Variants in EIF3D observed in about 807,000 individuals in gnomAD.
EIF3D encodes eIF3 p66.
A neutral mutation model predicts 75.4 loss-of-function variants in EIF3D; 10 were observed. The observed-to-expected ratio is 0.13, with a 90% CI of 0.08 to 0.22. The LOEUF is 0.22. Among genes scored for constraint, EIF3D ranks in the 10% least tolerant of loss-of-function variants. The pLI, the probability that EIF3D is intolerant of heterozygous loss-of-function variation, is 1.00. For missense variants in EIF3D, 394 were observed against 708.0 expected (o/e 0.56, Z 5.03); for synonymous variants, 246 against 248.3 (o/e 0.99, Z 0.09).
chr22:36,524,923 G>A (rs742148), intron 3 of EIF3D, among the ~76,000 whole-genome samples, 191 bp from the exon 4 acceptor site: 13,274 of 152,176 alleles, frequency 0.087, 679 homozygotes, highest in African/African-American at 0.14. Flanking sequence ...CAAGATCCCC[G>A]GATGATTCAT....
At chr22:36,512,390 A>C in intron 13 of EIF3D, 70 bp downstream of exon 13, 1 of 1,580,164 alleles carries the variant, frequency 6.3e-7, no homozygotes, top group South Asian at 1.1e-5. Context: ...CGGGGAGGGG[A>C]GGGTCAACCT....
intron 12 of EIF3D, 39 bp from the exon 13 acceptor site, chr22:36,512,641 C>T: frequency 2.5e-6 from 4 of 1,593,022 alleles, no homozygotes; most frequent in Non-Finnish European, 3.4e-6. Context: ...AAGCAAGCTC[C>T]AAATGCCCAA....
At chr22:36,520,300 G>C (rs1304568852) in intron 7 of EIF3D, among the ~76,000 whole-genome samples, 1 of 152,092 alleles carries the variant, frequency 6.6e-6, no homozygotes, top group Non-Finnish European at 1.5e-5. Context: ...GGGATTACAG[G>C]TGTGTGCCAC....
intron 12 of EIF3D, chr22:36,512,846 TGGACACACAC>T (rs1220992645): frequency 4.1e-5 from 19 of 459,394 alleles, no homozygotes; most frequent in African/African-American, 2.4e-4. Context: ...GAATGATGGA[TGGACACACAC>T]GGACACACAC....
In EIF3D at chr22:36,526,173, C is replaced by T. The variant is rs531136026; in HGVS notation, c.-10-42G>A. On this transcript the variant is annotated intron_variant, in intron 1 of 14. Coordinates refer to ENST00000216190, the MANE Select transcript of EIF3D (RefSeq NM_003753.4). ...ATGTGAGTAGCGGCATGAACGAAGGCCTCAGAGTACAAAACACCCTCCATA... is the reference window on the plus strand; with the variant it reads ...ATGTGAGTAGCGGCATGAACGAAGGTCTCAGAGTACAAAACACCCTCCATA... The T allele has an allele frequency of 1.8e-5, 28 of 1,540,454 alleles. No homozygotes were observed. The South Asian group carries it at 3.3e-4, about 18-fold the overall frequency.
intron 3 of EIF3D, 79 bp from the exon 4 acceptor site, chr22:36,524,811 T>C (rs1046410184): frequency 6.3e-7 from 1 of 1,588,918 alleles, no homozygotes. Context: ...GCCTTGCTAT[T>C]TCAAGTGTGG....
At chr22:36,516,365 A>G (rs969963548) in intron 12 of EIF3D, 113 bp downstream of exon 12, 7 of 1,328,352 alleles carry the variant, frequency 5.3e-6, no homozygotes, top group African/African-American at 2.9e-5. Flanking sequence ...AGGTAGCTCT[A>G]TAAGTAACGA....
chr22:36,511,210 G>C (rs1248337665), intron 14 of EIF3D: 4 of 809,508 alleles, frequency 4.9e-6, no homozygotes, highest in Non-Finnish European at 7.5e-6. Flanking sequence ...ATTTAACCCG[G>C]AGCGGAGCTT....
At chr22:36,523,335 C>G in intron 5 of EIF3D, 54 bp from the exon 6 acceptor site, 1 of 1,371,368 alleles carries the variant, frequency 7.3e-7, no homozygotes, top group Non-Finnish European at 1.0e-6. Context: ...GTGGCTTCTT[C>G]AAAAGGCACA....
In EIF3D at chr22:36,516,749, C is replaced by T. The variant is rs748890507; in HGVS notation, c.1032G>A (p.Val344=). The T allele has an allele frequency of 5.6e-6, 9 of 1,614,230 alleles. No individual in the cohort carries two copies. The highest frequency in any genetic ancestry group is 1.7e-5 in the Admixed American group (1 of 60,030). The change falls in exon 11 of 15, where the codon GTG becomes GTA. Residue 344 remains valine (V), a synonymous_variant. Coordinates refer to ENST00000216190, the MANE Select transcript of EIF3D (RefSeq NM_003753.4). ...RYNFPNPNPF[V]EDDMDKNEIA... ...TTTCATTCTTATCCATGTCGTCCTCCACAAACGGGTTTGGGTTGGGGAAGT... is the reference window on the plus strand; with the variant it reads ...TTTCATTCTTATCCATGTCGTCCTCTACAAACGGGTTTGGGTTGGGGAAGT...
intron 12 of EIF3D, among the ~76,000 whole-genome samples, chr22:36,515,287 G>A (rs1183641532): frequency 1.3e-5 from 2 of 152,218 alleles, no homozygotes; most frequent in African/African-American, 4.8e-5. Context: ...CCAGCACTTT[G>A]GGAGGCCGAG....
chr22:36,513,740 C>G (rs1052409146), intron 12 of EIF3D, among the ~76,000 whole-genome samples: 13 of 152,188 alleles, frequency 8.5e-5, no homozygotes, highest in Non-Finnish European at 1.5e-5. Context: ...GAGATGGGGT[C>G]TCACTATGTT....
At chr22:36,518,494 T>TAAA (rs66811304) in intron 9 of EIF3D, among the ~76,000 whole-genome samples, 68 of 144,760 alleles carry the variant, frequency 4.7e-4, no homozygotes, top group African/African-American at 1.4e-3. Context: ...CTGTCTCAAT[T>TAAA]AAAAAAAAAA....
rs1934590525 is a variant in EIF3D, at chr22:36,525,888, T to A, written c.123+111A>T. The A allele has an allele frequency of 3.3e-6, 5 of 1,500,994 alleles. No homozygotes were observed. In the Admixed American group the frequency reaches 6.7e-5, roughly 20 times the overall value. 93.0% of individuals were successfully genotyped at this position (1,500,994 alleles called of 1,614,324 possible). On this transcript the variant is annotated intron_variant, in intron 2 of 14. Transcript: ENST00000216190. ...CAGAGATAACCTTTCTCAGCTGGCATCCCTATAAGAAATTCAGGAGTTAAG... is the reference window on the plus strand; with the variant it reads ...CAGAGATAACCTTTCTCAGCTGGCAACCCTATAAGAAATTCAGGAGTTAAG...
chr22:36,519,044 C>A, intron 8 of EIF3D, 134 bp from the exon 9 acceptor site: 1 of 1,236,150 alleles, frequency 8.1e-7, no homozygotes. Flanking sequence ...TGACCAAAAA[C>A]ACTGCAGCCA....
chr22:36,526,650 C>G (rs1934607740), intron 1 of EIF3D, among the ~76,000 whole-genome samples: 1 of 150,062 alleles, frequency 6.7e-6, no homozygotes, highest in East Asian at 1.9e-4. Flanking sequence ...CTTTGTCACC[C>G]ATGCTGGGGT....
intron 13 of EIF3D, 45 bp from the exon 14 acceptor site, chr22:36,511,831 A>G (rs1447529082): frequency 6.3e-7 from 1 of 1,590,014 alleles, no homozygotes; most frequent in Non-Finnish European, 8.6e-7. Flanking sequence ...GGCAGCACAG[A>G]GACAGCAACA....
intron 12 of EIF3D, 28 bp downstream of exon 12, chr22:36,516,450 C>T: frequency 6.2e-7 from 1 of 1,610,036 alleles, no homozygotes; most frequent in Non-Finnish European, 8.5e-7. Context: ...ATGGTGTCAC[C>T]AGGAGGGTGA....
chr22:36,529,104 C>A lies in EIF3D; in HGVS notation c.-39G>T. ...CAATGGCCTCGGCCGGCCGGGATGG[C>A]AACAGATGGTGCGTGCCGGGGACCG... On this transcript the variant is annotated 5_prime_UTR_variant, in exon 1 of 15. Coordinates refer to ENST00000216190, the MANE Select transcript of EIF3D (RefSeq NM_003753.4). 2.5e-6 allele frequency: 1 copy of A among 394,626 alleles called. No homozygotes were observed. 24.4% of individuals were successfully genotyped at this position (394,626 alleles called of 1,614,324 possible). A position where few individuals can be genotyped will look rare whatever the true frequency, so the allele number is the denominator to read the frequency against.
Sources: allele counts gnomAD v4.1 joint callset (sites outside exome capture counted in the v4.1 genomes callset), GRCh38; gene constraint gnomAD v4.1.1; transcripts MANE v1.5; gene names NCBI Gene and HGNC (gene_info 2026-07-23, HGNC 2026-07-21).